FER: variants seen among roughly 807,000 people sequenced by gnomAD.
FER encodes the protein tyrosine-protein kinase Fer.
In FER, 63 loss-of-function variants were observed where a neutral mutation model predicts 111.0. The ratio of observed to expected loss-of-function variants is 0.57; its 90% CI spans 0.46 to 0.70. The LOEUF (loss-of-function observed/expected upper bound fraction) is 0.70, where lower values mean the gene tolerates loss of function less well. Among genes scored for constraint, FER ranks in the 30% least tolerant of loss-of-function variants. The pLI, the probability that FER is intolerant of heterozygous loss-of-function variation, is 0.00. For synonymous variants in FER, 327 were observed against 313.9 expected, an observed-to-expected ratio of 1.04 and a Z score of -0.44; for missense variants, 914 against 954.0, an observed-to-expected ratio of 0.96 and a Z score of 0.55.
At chr5:108,799,557 A>G (rs76265080) in intron 3 of FER, among the ~76,000 whole-genome samples, 1,895 of 152,316 alleles carry the variant, frequency 0.012, 36 homozygotes, top group African/African-American at 0.043. Flanking sequence ...GCCACAAAAA[A>G]TACAGGACAC....
At chr5:108,991,480 A>G (rs980833032) in intron 13 of FER, among the ~76,000 whole-genome samples, 14 of 152,160 alleles carry the variant, frequency 9.2e-5, no homozygotes, top group African/African-American at 3.4e-4. Context: ...TAATGAAAAG[A>G]TGTATCATTA....
At chr5:108,963,229 C>A (rs1014114300) in intron 13 of FER, among the ~76,000 whole-genome samples, 1 of 152,012 alleles carries the variant, frequency 6.6e-6, no homozygotes, top group African/African-American at 2.4e-5. Flanking sequence ...AGTAAGAAAT[C>A]GCTTTCTGAA....
At chr5:108,788,690 A>C (rs79673532) in intron 2 of FER, among the ~76,000 whole-genome samples, 4,507 of 151,316 alleles carry the variant, frequency 0.03, 89 homozygotes, top group African/African-American at 0.057. Context: ...CTTTTCTGTC[A>C]ACATTCAGTC....
At chr5:108,978,479 T>C (rs1761653214) in intron 13 of FER, among the ~76,000 whole-genome samples, 1 of 152,208 alleles carries the variant, frequency 6.6e-6, no homozygotes, top group African/African-American at 2.4e-5. Flanking sequence ...TTTAAAGTCT[T>C]TCTTAACTCT....
intron 13 of FER, among the ~76,000 whole-genome samples, chr5:109,009,191 A>G (rs541428514): frequency 6.6e-6 from 1 of 151,434 alleles, no homozygotes; most frequent in East Asian, 2.0e-4. Flanking sequence ...GCACACCACC[A>G]TGCCTGGCTA....
At chr5:108,790,436 A>G (rs1012154051) in intron 2 of FER, among the ~76,000 whole-genome samples, 1 of 152,188 alleles carries the variant, frequency 6.6e-6, no homozygotes, top group African/African-American at 2.4e-5. Context: ...CACCTCTGGT[A>G]TGGATGAACT....
intron 9 of FER, 55 bp downstream of exon 9, chr5:108,883,573 A>C (rs1581039938): frequency 6.8e-7 from 1 of 1,461,294 alleles, no homozygotes; most frequent in East Asian, 2.4e-5. Flanking sequence ...ATTTTACAAA[A>C]ATATTTTAGT....
At chr5:108,980,753 T>A (rs938759140) in intron 13 of FER, among the ~76,000 whole-genome samples, 1 of 152,190 alleles carries the variant, frequency 6.6e-6, no homozygotes, top group African/African-American at 2.4e-5. Flanking sequence ...TATTGTCACC[T>A]GATTGTCATA....
chr5:108,750,829 A>G (rs983689186), intron 1 of FER, among the ~76,000 whole-genome samples: 3 of 152,234 alleles, frequency 2.0e-5, no homozygotes, highest in African/African-American at 4.8e-5. Flanking sequence ...TTTAGCAATA[A>G]CGATTTCAAG....
chr5:108,822,359 G>T (rs751874496), intron 3 of FER, among the ~76,000 whole-genome samples: 16 of 152,112 alleles, frequency 1.1e-4, no homozygotes, highest in Admixed American at 2.6e-4. Context: ...CCTGATATTG[G>T]GCATTTTATA....
intron 2 of FER, chr5:108,785,634 A>G: frequency 2.8e-6 from 1 of 363,338 alleles, no homozygotes; most frequent in Admixed American, 3.7e-5. Flanking sequence ...CTTATGGTGA[A>G]GGAGAGTGTT....
intron 4 of FER, among the ~76,000 whole-genome samples, chr5:108,835,001 A>G (rs1391019899): frequency 6.6e-6 from 1 of 152,172 alleles, no homozygotes; most frequent in Non-Finnish European, 1.5e-5. Context: ...TCTGGGACAC[A>G]TATTTTTTCC....
intron 5 of FER, among the ~76,000 whole-genome samples, chr5:108,844,399 C>G (rs1761666488): frequency 6.6e-6 from 1 of 152,042 alleles, no homozygotes; most frequent in Admixed American, 6.6e-5. Context: ...TGTTTTGGAT[C>G]CAGGGTCCAA....
At chr5:109,064,731 C>T (rs1026773314) in intron 16 of FER, among the ~76,000 whole-genome samples, 2 of 152,088 alleles carry the variant, frequency 1.3e-5, no homozygotes, top group Non-Finnish European at 2.9e-5. Context: ...ATGTTCTGAA[C>T]CACTCTTGCT....
intron 16 of FER, among the ~76,000 whole-genome samples, chr5:109,073,470 C>A (rs1309248020): frequency 1.3e-5 from 2 of 151,982 alleles, no homozygotes; most frequent in African/African-American, 4.8e-5. Context: ...ATCATTTATA[C>A]CGTAATTGAT....
chr5:109,097,548 G>A (rs558285917), intron 16 of FER, among the ~76,000 whole-genome samples: 3 of 152,000 alleles, frequency 2.0e-5, no homozygotes, highest in Admixed American at 2.0e-4. Flanking sequence ...TCTAAGAGAG[G>A]TTTTTGTATT....
At chr5:109,058,720 C>CTT (rs1773967359) in intron 16 of FER, among the ~76,000 whole-genome samples, 1 of 88,032 alleles carries the variant, frequency 1.1e-5, no homozygotes, top group African/African-American at 5.0e-5. Context: ...TTCTTTCTTT[C>CTT]TTTCTTTTTT....
chr5:109,122,096 T>C (rs941165992), intron 17 of FER, among the ~76,000 whole-genome samples: 7 of 152,092 alleles, frequency 4.6e-5, no homozygotes, highest in African/African-American at 9.6e-5. Context: ...CCTTGACCAT[T>C]AATATTTCTT....
intron 16 of FER, among the ~76,000 whole-genome samples, chr5:109,077,708 C>T (rs1776502477): frequency 6.6e-6 from 1 of 152,114 alleles, no homozygotes; most frequent in Admixed American, 6.6e-5. Flanking sequence ...TAGCTGGTAA[C>T]CACTATGTGT....
Sources: allele counts gnomAD v4.1 joint callset (sites outside exome capture counted in the v4.1 genomes callset), GRCh38; gene constraint gnomAD v4.1.1; transcripts MANE v1.5; gene names NCBI Gene and HGNC (gene_info 2026-07-23, HGNC 2026-07-21).